TESMIN: variants seen among roughly 807,000 people sequenced by gnomAD.
The protein encoded by TESMIN is CXC domain containing 2.
In TESMIN, 34 loss-of-function variants were observed where a neutral mutation model predicts 47.4. That is an observed-to-expected ratio of 0.72 (90% CI 0.55 to 0.96). The LOEUF is 0.96. Ranked by LOEUF, TESMIN falls within the 40% of genes least tolerant of loss-of-function variation. The pLI is 0.00. For missense variants in TESMIN, 610 were observed against 637.2 expected (o/e 0.96, Z 0.46); for synonymous variants, 278 against 258.9 (o/e 1.07, Z -0.71).
intron 5 of TESMIN, 121 bp from the exon 6 acceptor site, chr11:68,738,909 T>C: frequency 1.2e-6 from 1 of 802,298 alleles, no homozygotes; most frequent in Non-Finnish European, 2.0e-6. Flanking sequence ...ACCATCCCTT[T>C]ATAACCATGT....
intron 6 of TESMIN, among the ~76,000 whole-genome samples, chr11:68,723,652 G>A (rs1946228298): frequency 6.6e-6 from 1 of 151,926 alleles, no homozygotes; most frequent in Non-Finnish European, 1.5e-5. Context: ...TGACAAAATA[G>A]ACAACCTCTC....
intron 4 of TESMIN, among the ~76,000 whole-genome samples, chr11:68,743,867 G>T (rs1032720969): frequency 1.3e-5 from 2 of 152,192 alleles, no homozygotes; most frequent in Non-Finnish European, 2.9e-5. Flanking sequence ...CAAAGGAGAT[G>T]CAGGTGGGGG....
At chr11:68,749,691 A>T (rs1946565048) in intron 2 of TESMIN, among the ~76,000 whole-genome samples, 1 of 152,186 alleles carries the variant, frequency 6.6e-6, no homozygotes, top group Admixed American at 6.5e-5. Context: ...CTTGACTTCA[A>T]GGCCCGGAAA....
At position 68,750,655 on chromosome 11, in the gene TESMIN, C is replaced by A. The variant is rs1946584600; in HGVS notation, c.6G>T (p.Glu2Asp). 1 of 1,542,120 alleles carries A rather than the reference C, an allele frequency of 6.5e-7. No homozygotes were observed. The highest frequency in any genetic ancestry group is 8.7e-7 in the Non-Finnish European group (1 of 1,143,456). The change falls in exon 2 of 10, where the codon GAG (glutamate) becomes GAT (aspartate). Residue 2 changes from glutamate (E) to aspartate (D), a missense_variant. Glu to Asp is a conservative substitution (Grantham distance 45, BLOSUM62 2). Transcript: ENST00000255087. M[E>D]EGPLPGGLPS... ...GCAGCCCGCCCGGCAGAGGGCCCTC[C>A]TCCATGGCGCAGGGCGGCGGGGCGG...
intron 6 of TESMIN, among the ~76,000 whole-genome samples, chr11:68,719,404 A>C (rs1461121080): frequency 6.6e-6 from 1 of 152,210 alleles, no homozygotes; most frequent in Admixed American, 6.5e-5. Flanking sequence ...AATCTAACCA[A>C]GTCTATCTCA....
chr11:68,749,982 G>A (rs1392221868), intron 2 of TESMIN, among the ~76,000 whole-genome samples: 1 of 152,188 alleles, frequency 6.6e-6, no homozygotes, highest in African/African-American at 2.4e-5. Context: ...CCCTCCAGGG[G>A]AAAGGGCTTG....
At chr11:68,713,884 T>C (rs1194401384) in intron 7 of TESMIN, among the ~76,000 whole-genome samples, 1 of 152,114 alleles carries the variant, frequency 6.6e-6, no homozygotes, top group African/African-American at 2.4e-5. Context: ...CGTATGATTG[T>C]TTTATACCCG....
chr11:68,722,525 A>G (rs1044401176), intron 6 of TESMIN, among the ~76,000 whole-genome samples: 1 of 144,872 alleles, frequency 6.9e-6, no homozygotes, highest in Non-Finnish European at 1.5e-5. Context: ...TTAAAACTTC[A>G]AAAAAAAAAA....
chr11:68,744,341 A>G (rs556161585), intron 4 of TESMIN, among the ~76,000 whole-genome samples: 6 of 152,362 alleles, frequency 3.9e-5, no homozygotes, highest in African/African-American at 1.4e-4. Context: ...ATTTTCAAGA[A>G]TTAGCATCTC....
intron 3 of TESMIN, among the ~76,000 whole-genome samples, chr11:68,745,584 C>T (rs1946510589): frequency 6.6e-6 from 1 of 152,240 alleles, no homozygotes; most frequent in Non-Finnish European, 1.5e-5. Context: ...AAAATCCTCT[C>T]TAATTTTACT....
chr11:68,722,808 G>A (rs753555883), intron 6 of TESMIN, among the ~76,000 whole-genome samples: 22 of 152,124 alleles, frequency 1.4e-4, no homozygotes, highest in Non-Finnish European at 2.6e-4. Flanking sequence ...GGCAAAATGC[G>A]CCAAGATACA....
chr11:68,733,760 G>C (rs1394051869), intron 6 of TESMIN: 1 of 152,192 alleles, frequency 6.6e-6, no homozygotes, highest in Non-Finnish European at 1.5e-5. Flanking sequence ...TATTCAGCTG[G>C]TTACTCCTTA....
At chr11:68,706,826 T>C (rs950911625), downstream of TESMIN, among the ~76,000 whole-genome samples, 7 of 152,258 alleles carry the variant, frequency 4.6e-5, no homozygotes, top group East Asian at 1.9e-4. Flanking sequence ...ACAGTACTCA[T>C]GTGGCTGGCA....
At chr11:68,739,537 AAATTT>A (rs1448057912) in intron 5 of TESMIN, among the ~76,000 whole-genome samples, 1 of 152,256 alleles carries the variant, frequency 6.6e-6, no homozygotes, top group East Asian at 1.9e-4. Flanking sequence ...ATCTTTAAAT[AAATTT>A]ATTTTTAAAG....
At chr11:68,746,812 C>T (rs1050082875) in intron 3 of TESMIN, among the ~76,000 whole-genome samples, 10 of 152,130 alleles carry the variant, frequency 6.6e-5, no homozygotes, top group Non-Finnish European at 1.3e-4. Context: ...CCTATACAAG[C>T]GTTACCTGTT....
At chr11:68,735,760 AGCATAGTTCG>A (rs1946379974) in intron 6 of TESMIN, among the ~76,000 whole-genome samples, 1 of 152,260 alleles carries the variant, frequency 6.6e-6, no homozygotes, top group South Asian at 2.1e-4. Context: ...ACTCAGAGGC[AGCATAGTTCG>A]GCACAGATGG....
chr11:68,732,241 G>A (rs991015007), intron 6 of TESMIN, among the ~76,000 whole-genome samples: 1 of 152,174 alleles, frequency 6.6e-6, no homozygotes, highest in Non-Finnish European at 1.5e-5. Flanking sequence ...GAGTGCCCTC[G>A]TGATGGTACA....
intron 6 of TESMIN, among the ~76,000 whole-genome samples, chr11:68,719,601 T>C (rs999549697): frequency 2.6e-5 from 4 of 152,174 alleles, no homozygotes; most frequent in Admixed American, 6.5e-5. Context: ...GTTAAAAGAG[T>C]TGAAAGTTCC....
At chr11:68,746,574 T>C (rs894801217) in intron 3 of TESMIN, among the ~76,000 whole-genome samples, 53 of 152,164 alleles carry the variant, frequency 3.5e-4, no homozygotes, top group Non-Finnish European at 2.9e-5. Context: ...GGTGCTTTGC[T>C]AAGGGAATGC....
Sources: allele counts gnomAD v4.1 joint callset (sites outside exome capture counted in the v4.1 genomes callset), GRCh38; gene constraint gnomAD v4.1.1; transcripts MANE v1.5; gene names NCBI Gene and HGNC (gene_info 2026-07-23, HGNC 2026-07-21).